CDK17: variants seen among roughly 807,000 people sequenced by gnomAD.
The protein encoded by CDK17 is cyclin dependent kinase 17, also known as cyclin-dependent kinase 17.
A neutral mutation model predicts 77.6 loss-of-function variants in CDK17; 24 were observed. That is an observed-to-expected ratio of 0.31 (90% CI 0.22 to 0.44). CDK17 has a LOEUF of 0.44. CDK17 is among the 20% of genes least tolerant of loss of function. CDK17 has a pLI of 1.00. For synonymous variants in CDK17, 203 were observed against 210.4 expected, an observed-to-expected ratio of 0.96 and a Z score of 0.30; for missense variants, 429 against 622.5, an observed-to-expected ratio of 0.69 and a Z score of 3.31.
At chr12:96,319,482 C>A (rs1366424845) in intron 3 of CDK17, among the ~76,000 whole-genome samples, 1 of 131,236 alleles carries the variant, frequency 7.6e-6, no homozygotes. Context: ...CAAAGCTGGG[C>A]AGAGACACAA....
intron 1 of CDK17, among the ~76,000 whole-genome samples, chr12:96,381,743 G>A (rs781124872): frequency 6.6e-6 from 1 of 150,606 alleles, no homozygotes; most frequent in Non-Finnish European, 1.5e-5. Flanking sequence ...TATAAAAAGA[G>A]ATGGATCACC....
intron 3 of CDK17, among the ~76,000 whole-genome samples, chr12:96,320,108 C>CA (rs562879058): frequency 2.0e-3 from 307 of 152,290 alleles, no homozygotes; most frequent in African/African-American, 7.0e-3. Flanking sequence ...TCTCAGGATA[C>CA]AAAATCAATG....
intron 1 of CDK17, among the ~76,000 whole-genome samples, chr12:96,352,981 ACCACCTGT>A (rs1953333264): frequency 1.3e-5 from 2 of 152,024 alleles, no homozygotes; most frequent in Admixed American, 1.3e-4. Context: ...CAACATAGAA[ACCACCTGT>A]CCCACTACTA....
rs77728147 is a variant in CDK17 at position 96,284,046 on chromosome 12, A to G, written c.1323-401T>C. ...GTGAAAACAGAGACAAGTGACCCCA[A>G]AATGTATCACTGTTGTTCAAGACAA... On this transcript the variant is annotated intron_variant, in intron 13 of 16. Transcript: ENST00000261211. 4.9e-3 allele frequency among the ~76,000 whole-genome samples: 749 copies of G among 152,340 alleles called. 4 individuals carry two copies. Among genetic ancestry groups the G allele is most frequent in the Non-Finnish European group, 7.9e-3 (535 of 68,022 alleles).
intron 12 of CDK17, 26 bp from the exon 13 acceptor site, chr12:96,286,174 T>A: frequency 3.5e-6 from 2 of 567,000 alleles, no homozygotes; most frequent in Non-Finnish European, 5.3e-6. Flanking sequence ...AAATTAAATA[T>A]ATTTATAAAT....
At chr12:96,334,126 G>A (rs1389296976) in intron 2 of CDK17, among the ~76,000 whole-genome samples, 1 of 152,190 alleles carries the variant, frequency 6.6e-6, no homozygotes, top group Non-Finnish European at 1.5e-5. Context: ...CTGAAAGCCA[G>A]TCACGTAAGT....
intron 3 of CDK17, among the ~76,000 whole-genome samples, chr12:96,322,660 A>C (rs1029697399): frequency 1.1e-4 from 17 of 151,266 alleles, no homozygotes; most frequent in African/African-American, 4.1e-4. Flanking sequence ...ACCATTATAT[A>C]GTGTTTTTGA....
chr12:96,288,165 T>C (rs985464456), intron 11 of CDK17, among the ~76,000 whole-genome samples: 4 of 152,292 alleles, frequency 2.6e-5, no homozygotes, highest in African/African-American at 7.2e-5. Context: ...TACACTTAAA[T>C]TGGTTAAAAT....
At chr12:96,318,358 T>C (rs1015864655) in intron 3 of CDK17, among the ~76,000 whole-genome samples, 3 of 144,434 alleles carry the variant, frequency 2.1e-5, no homozygotes, top group African/African-American at 7.7e-5. Context: ...TGGGAGACTT[T>C]AACACCCCAC....
intron 1 of CDK17, among the ~76,000 whole-genome samples, chr12:96,392,599 A>G (rs1238137776): frequency 1.3e-5 from 2 of 152,226 alleles, no homozygotes; most frequent in Non-Finnish European, 2.9e-5. Context: ...AGAAAAGCGT[A>G]AGAAAGAAGC....
chr12:96,299,471 A>ACCT (rs1419001023), intron 6 of CDK17, among the ~76,000 whole-genome samples: 1 of 149,482 alleles, frequency 6.7e-6, no homozygotes, highest in Non-Finnish European at 1.5e-5. Context: ...GCTTGCTGTA[A>ACCT]CCTCCACCTT....
intron 15 of CDK17, among the ~76,000 whole-genome samples, chr12:96,281,454 C>A (rs1175085123): frequency 6.6e-6 from 1 of 152,206 alleles, no homozygotes; most frequent in East Asian, 1.9e-4. Flanking sequence ...CTGCAACCTC[C>A]GCCTCCCAGG....
At chr12:96,350,213 A>G (rs944037288) in intron 1 of CDK17, among the ~76,000 whole-genome samples, 1 of 152,156 alleles carries the variant, frequency 6.6e-6, no homozygotes, top group East Asian at 1.9e-4. Context: ...GGTTTAATGC[A>G]ATCTCTATCA....
intron 1 of CDK17, among the ~76,000 whole-genome samples, chr12:96,395,154 G>C (rs555412130): frequency 6.6e-6 from 1 of 152,172 alleles, no homozygotes; most frequent in African/African-American, 2.4e-5. Context: ...GATTACAGGC[G>C]TGAGCCACCA....
chr12:96,347,652 G>A (rs1456414704), intron 1 of CDK17, among the ~76,000 whole-genome samples: 1 of 135,800 alleles, frequency 7.4e-6, no homozygotes, highest in African/African-American at 2.8e-5. Flanking sequence ...GGAGGGGAAG[G>A]GGAGGAAAGA....
chr12:96,345,669 A>G (rs1953197310), intron 1 of CDK17, among the ~76,000 whole-genome samples: 1 of 152,234 alleles, frequency 6.6e-6, no homozygotes, highest in South Asian at 2.1e-4. Flanking sequence ...AGAGATATAC[A>G]GGAGCAGACT....
At chr12:96,355,130 CT>C (rs931705224) in intron 1 of CDK17, among the ~76,000 whole-genome samples, 10 of 152,084 alleles carry the variant, frequency 6.6e-5, no homozygotes, top group African/African-American at 1.7e-4. Flanking sequence ...TGCCCATCTC[CT>C]TTTTAACCTC....
At chr12:96,386,615 G>A (rs773004202) in intron 1 of CDK17, among the ~76,000 whole-genome samples, 6 of 152,050 alleles carry the variant, frequency 3.9e-5, no homozygotes, top group Non-Finnish European at 7.4e-5. Flanking sequence ...CTGAGATCAC[G>A]CCACTGCATT....
At chr12:96,366,454 C>G (rs55808826) in intron 1 of CDK17, among the ~76,000 whole-genome samples, 32,264 of 152,130 alleles carry the variant, frequency 0.21, 4,305 homozygotes, top group Middle Eastern at 0.32. Context: ...TCATACATTA[C>G]TATATCTAGT....
Sources: allele counts gnomAD v4.1 joint callset (sites outside exome capture counted in the v4.1 genomes callset), GRCh38; gene constraint gnomAD v4.1.1; transcripts MANE v1.5; gene names NCBI Gene and HGNC (gene_info 2026-07-23, HGNC 2026-07-21).